ZFHX3: variants seen among roughly 807,000 people sequenced by gnomAD.
ZFHX3 encodes zinc finger homeobox 3, also known as zinc finger homeobox protein 3.
Under a neutral mutation model 279.1 loss-of-function variants are expected in ZFHX3, and 42 were observed. The observed-to-expected ratio is 0.15, with a 90% CI of 0.12 to 0.19. ZFHX3 has a LOEUF of 0.19. Ranked by LOEUF, ZFHX3 falls within the 10% of genes least tolerant of loss-of-function variation. ZFHX3 has a pLI of 1.00. For synonymous variants in ZFHX3, 2,293 were observed against 1,957.8 expected, an observed-to-expected ratio of 1.17 and a Z score of -4.52; for missense variants, 4,981 against 4,754.0, an observed-to-expected ratio of 1.05 and a Z score of -1.40.
At chr16:73,159,789 G>A (rs1340099264) in intron 5 of ZFHX3, among the ~76,000 whole-genome samples, 1 of 152,094 alleles carries the variant, frequency 6.6e-6, no homozygotes, top group Admixed American at 6.6e-5. Context: ...TTGATATAGA[G>A]TCTTGCTCTG....
rs909098851 is a variant in ZFHX3, at chr16:72,786,865, A to G, written c.*299T>C. On this transcript the variant is annotated 3_prime_UTR_variant, in exon 10 of 10. Coordinates refer to ENST00000268489, the MANE Select transcript of ZFHX3 (RefSeq NM_006885.4). ...GGTTTAAGCTCCAAAGACATTAGGG[A>G]GGCCCTGCGGACTTCTGTTTCCCAG... The G allele has an allele frequency of 4.5e-5, 8 of 177,486 alleles. No individual in the cohort carries two copies. The highest frequency in any genetic ancestry group is 1.9e-4 in the African/African-American group (8 of 42,324). The allele number at this position is 177,486 out of a possible 1,614,324, so 11.0% of individuals were successfully genotyped here. A position where few individuals can be genotyped will look rare whatever the true frequency, so the allele number is the denominator to read the frequency against.
At chr16:73,453,114 TGA>T (rs571368981) in intron 3 of ZFHX3, among the ~76,000 whole-genome samples, 90 of 141,216 alleles carry the variant, frequency 6.4e-4, no homozygotes, top group African/African-American at 2.3e-3. Context: ...GTCCCACATC[TGA>T]GTTACTTATC....
intron 3 of ZFHX3, among the ~76,000 whole-genome samples, chr16:73,338,320 T>G (rs968683571): frequency 6.6e-5 from 10 of 152,124 alleles, no homozygotes; most frequent in African/African-American, 2.2e-4. Context: ...TTTTATCCCT[T>G]TGAAACATGA....
intron 1 of ZFHX3, among the ~76,000 whole-genome samples, chr16:73,684,281 G>A (rs1286502384): frequency 1.3e-5 from 2 of 151,960 alleles, no homozygotes; most frequent in Non-Finnish European, 2.9e-5. Context: ...TGCTCTAGGG[G>A]TCCATTATTA....
chr16:73,891,617 A>C (rs1178531462), intron 1 of ZFHX3: 3 of 152,276 alleles, frequency 2.0e-5, no homozygotes, highest in African/African-American at 7.2e-5. Context: ...GGAAGAAAAG[A>C]GAAGAAAAGA....
chr16:73,087,245 C>T (rs1171960445), intron 8 of ZFHX3, among the ~76,000 whole-genome samples: 3 of 152,160 alleles, frequency 2.0e-5, no homozygotes, highest in Non-Finnish European at 2.9e-5. Flanking sequence ...ATGTAACTAA[C>T]TACCTGTTGT....
At position 73,446,731 on chromosome 16, in the gene ZFHX3, C is replaced by T. The variant is rs141089916; in HGVS notation, c.-1291+9272G>A. On this transcript the variant is annotated intron_variant, in intron 3 of 17. Coordinates refer to the ZFHX3 transcript ENST00000641206. ...GGGAACAACATATACTGGGGCCTAC[C>T]GGAGAGTAGTGGGTGAAAGGAGGGA... Among the ~76,000 whole-genome samples, 401 of 152,108 alleles carry T rather than the reference C, an allele frequency of 2.6e-3. 1 individual carries two copies. The highest frequency in any genetic ancestry group is 9.0e-3 in the African/African-American group (373 of 41,494).
rs759261584 is a variant in ZFHX3 at position 72,795,354 on chromosome 16, G to T, written c.7328C>A (p.Thr2443Asn). Residue 2443 changes from threonine (T) to asparagine (N), a missense_variant, in exon 9 of 10, where the codon ACC (threonine) becomes AAC (asparagine). Thr to Asn is a moderately conservative substitution (Grantham distance 65). Coordinates refer to ENST00000268489, the MANE Select transcript of ZFHX3 (RefSeq NM_006885.4). ...CTTTGGTTGTCCTTGCTTTTCTTGGGTTTGGTTTGGCTGTGCACTGGGAGC... is the reference window on the plus strand; with the variant it reads ...CTTTGGTTGTCCTTGCTTTTCTTGGTTTTGGTTTGGCTGTGCACTGGGAGC... Reference protein sequence around the residue: ...AEAPSAQPNQTQEKQGQPKPE... With the variant: ...AEAPSAQPNQNQEKQGQPKPE... The T allele has an allele frequency of 2.5e-6, 4 of 1,614,076 alleles. No individual in the cohort carries two copies. In the East Asian group the frequency reaches 8.9e-5, roughly 36 times the overall value.
intron 3 of ZFHX3, among the ~76,000 whole-genome samples, chr16:72,895,307 A>C (rs1301382148): frequency 6.6e-6 from 1 of 152,254 alleles, no homozygotes; most frequent in African/African-American, 2.4e-5. Flanking sequence ...ACTATAAAAC[A>C]CAGGGGCCTC....
In ZFHX3 at chr16:73,174,642, T is replaced by G. The variant is rs191095532; in HGVS notation, c.-1103-30811A>C. On this transcript the variant is annotated intron_variant, in intron 5 of 17. Coordinates refer to the ZFHX3 transcript ENST00000641206. ...ATCTCCTCTTGCTGGAAACCTGTAA[T>G]GCCTTCTAAATGGTCCCCACACTCT... Among the ~76,000 whole-genome samples, 197 of 152,080 alleles carry G rather than the reference T, an allele frequency of 1.3e-3. 3 individuals carry two copies. The highest frequency in any genetic ancestry group is 5.1e-3 in the Admixed American group (78 of 15,270).
intron 5 of ZFHX3, among the ~76,000 whole-genome samples, chr16:73,191,178 T>TTC (rs1229584177): frequency 6.6e-6 from 1 of 152,006 alleles, no homozygotes; most frequent in Non-Finnish European, 1.5e-5. Context: ...CTCTTAAAAA[T>TTC]CTGAAAATGA....
chr16:72,882,386 C>T lies in ZFHX3; in HGVS notation c.3448+7345G>A, dbSNP rs538181397. Among the ~76,000 whole-genome samples the T allele has an allele frequency of 6.4e-4, 97 of 152,242 alleles. No individual in the cohort carries two copies. The Middle Eastern group carries it at 0.014, about 21-fold the overall frequency. On this transcript the variant is annotated intron_variant, in intron 4 of 9. Transcript: ENST00000268489. ...CCACGTGTCATATGCTGAAACAACA[C>T]GCACAAAACCCTGGTAGCTTCATCA... is the stretch of plus-strand genomic sequence containing the variant.
chr16:73,097,202 T>C (rs1966175301), intron 7 of ZFHX3, among the ~76,000 whole-genome samples: 2 of 151,446 alleles, frequency 1.3e-5, no homozygotes, highest in South Asian at 4.2e-4. Context: ...TAGAGGTGCT[T>C]GCCTCCTCAC....
intron 8 of ZFHX3, among the ~76,000 whole-genome samples, chr16:72,799,813 A>C (rs1301934779): frequency 1.3e-5 from 2 of 152,228 alleles, no homozygotes; most frequent in African/African-American, 2.4e-5. Context: ...ACTGGTTCTC[A>C]TACTAATTTT....
chr16:73,181,237 A>G (rs1321136075), intron 5 of ZFHX3, among the ~76,000 whole-genome samples: 4 of 152,088 alleles, frequency 2.6e-5, no homozygotes, highest in African/African-American at 9.7e-5. Flanking sequence ...AGTAGCTGGG[A>G]TTACAGGCAC....
chr16:73,773,587 C>G (rs1002956722), intron 1 of ZFHX3, among the ~76,000 whole-genome samples: 1 of 152,042 alleles, frequency 6.6e-6, no homozygotes, highest in African/African-American at 2.4e-5. Flanking sequence ...GTGGAAAGCC[C>G]GAATGCAAGG....
intron 5 of ZFHX3, among the ~76,000 whole-genome samples, chr16:73,195,154 T>A (rs1040675514): frequency 1.3e-5 from 2 of 152,164 alleles, no homozygotes; most frequent in African/African-American, 4.8e-5. Context: ...TTCTATACCA[T>A]TGGCTTTGCA....
At chr16:73,064,934 A>G (rs1965727768) in intron 8 of ZFHX3, among the ~76,000 whole-genome samples, 1 of 152,222 alleles carries the variant, frequency 6.6e-6, no homozygotes, top group African/African-American at 2.4e-5. Context: ...TTTGCACCAC[A>G]TGTAAAGCCT....
chr16:73,518,059 C>A (rs1345941634), intron 2 of ZFHX3, among the ~76,000 whole-genome samples: 4 of 152,088 alleles, frequency 2.6e-5, no homozygotes, highest in Admixed American at 2.0e-4. Context: ...TTCTTTGGTG[C>A]TAAGTTTTTG....
Sources: gnomAD v4.1 joint callset for allele counts (sites outside exome capture counted in the v4.1 genomes callset) on GRCh38, gnomAD v4.1.1 for gene constraint, MANE v1.5 for transcripts, NCBI Gene and HGNC (gene_info 2026-07-23, HGNC 2026-07-21) for gene names.